The following SCAP variants were observed in gnomAD, a reference collection of about 807,000 sequenced individuals.
SCAP encodes SREBF chaperone, also known as sterol regulatory element-binding protein cleavage-activating protein.
In SCAP, 65 loss-of-function variants were observed where a neutral mutation model predicts 123.6. The observed-to-expected ratio is 0.53, with a 90% confidence interval of 0.43 to 0.65. The LOEUF (loss-of-function observed/expected upper bound fraction) is 0.65, where lower values mean the gene tolerates loss of function less well. Ranked by LOEUF, SCAP falls within the 30% of genes least tolerant of loss-of-function variation. SCAP has a pLI of 0.00. For synonymous variants in SCAP, 740 were observed against 726.3 expected (o/e 1.02, Z -0.30); for missense variants, 1,398 against 1,712.5 (o/e 0.82, Z 3.24).
In SCAP at chr3:47,417,328, C is replaced by T; in HGVS notation, c.2946G>A (p.Val982=). 1 of 1,612,136 alleles carries T rather than the reference C, an allele frequency of 6.2e-7. No individual in the cohort carries two copies. Among genetic ancestry groups the T allele is most frequent in the Non-Finnish European group, 8.5e-7 (1 of 1,179,696 alleles). ...SLELQGNLIV[V]GRSSGRLEVW... is the part of the protein sequence containing the mutation. ...CCTCCAGCCGGCCGCTGCTCCGCCCCACCACGATGAGGTTGCCCTGCAGCT... is the reference window on the plus strand; with the variant it reads ...CCTCCAGCCGGCCGCTGCTCCGCCCTACCACGATGAGGTTGCCCTGCAGCT... The change falls in exon 17 of 23, where the codon GTG becomes GTA. Residue 982 remains valine, a synonymous_variant. Coordinates refer to ENST00000265565, the MANE Select transcript of SCAP (RefSeq NM_012235.4).
In SCAP at chr3:47,427,639, A is replaced by G; in HGVS notation, c.439T>C (p.Cys147Arg). 1 of 1,614,112 alleles carries G rather than the reference A, an allele frequency of 6.2e-7. No individual in the cohort carries two copies. The highest frequency in any genetic ancestry group is 8.5e-7 in the Non-Finnish European group (1 of 1,180,000). The change falls in exon 5 of 23, where the codon TGT becomes CGT. Residue 147 changes from cysteine to arginine, a missense_variant. This residue lies in a region of SCAP where 319 missense variants were observed against 432.4 expected (regional missense o/e 0.74). Transcript: ENST00000265565. Reference protein sequence around the residue: ...SSGIRSLEELCLQVTDLLPGL... With the variant: ...SSGIRSLEELRLQVTDLLPGL... Reference sequence around the variant, plus strand: ...GGCAGCAGGTCGGTCACTTGCAGACACAACTCCTCCAAGCTCCTGATCCCA... The same window carrying G: ...GGCAGCAGGTCGGTCACTTGCAGACGCAACTCCTCCAAGCTCCTGATCCCA...
In SCAP at chr3:47,413,962, G is replaced by A. The variant is rs1435281434; in HGVS notation, c.3732C>T (p.Ala1244=). Residue 1244 remains alanine (A), a synonymous_variant, in exon 23 of 23, where the codon GCC becomes GCT. Coordinates refer to ENST00000265565, the MANE Select transcript of SCAP (RefSeq NM_012235.4). Reference sequence around the variant, plus strand: ...GCACCAGGATCTGGCGGGCAGGCTGGGCCTCACTGTTCTTCCCCAGGTAGA... The same window carrying A: ...GCACCAGGATCTGGCGGGCAGGCTGAGCCTCACTGTTCTTCCCCAGGTAGA... The part of the protein sequence containing the change: ...QTVYLGKNSE[A]QPARQILVLD... 2.5e-6 allele frequency: 4 copies of A among 1,613,264 alleles called. No homozygotes were observed. The highest frequency in any genetic ancestry group is 3.4e-6 in the Non-Finnish European group (4 of 1,180,022).
chr3:47,471,181 G>C (rs985750709), intron 1 of SCAP, among the ~76,000 whole-genome samples: 2 of 151,988 alleles, frequency 1.3e-5, no homozygotes, highest in Admixed American at 1.3e-4. Context: ...ACAAATTTTA[G>C]CAAAAATGAG....
chr3:47,414,647 G>C lies in SCAP; in HGVS notation c.3312C>G (p.Phe1104Leu). ...AGAGGCAGCACGAGTCCTCCAGACGGAACACCTGGGACAGGGATGGGCCTC... is the reference window on the plus strand; with the variant it reads ...AGAGGCAGCACGAGTCCTCCAGACGCAACACCTGGGACAGGGATGGGCCTC... ...TGSQDHTLRV[F>L]RLEDSCCLFT... The change falls in exon 21 of 23, where the codon TTC becomes TTG. Residue 1104 changes from phenylalanine to leucine, a missense_variant. Physicochemically the swap from Phe to Leu is conservative, Grantham distance 22. Transcript: ENST00000265565. The C allele has an allele frequency of 1.9e-6, 3 of 1,613,316 alleles. No individual in the cohort carries two copies. Among genetic ancestry groups the C allele is most frequent in the East Asian group, 2.2e-5 (1 of 44,886 alleles).
At chr3:47,440,561 A>G (rs142124298) in intron 2 of SCAP, among the ~76,000 whole-genome samples, 2 of 152,352 alleles carry the variant, frequency 1.3e-5, no homozygotes, top group African/African-American at 4.8e-5. Context: ...GAAAATAAGT[A>G]CACAGCACTA....
Position 47,427,592 on chromosome 3 carries a change from G to GT in SCAP, c.485dup (p.Asn162LysfsTer5). On this transcript the variant is annotated frameshift_variant, in exon 5 of 23. Transcript: ENST00000265565. LOFTEE classifies it high-confidence loss of function. ...GCAGGCATCCATGCTCAGGGAGTAGGTTCCTGAGCTTCCTAAGGCCTGGCA... is the reference window on the plus strand; with the variant it reads ...GCAGGCATCCATGCTCAGGGAGTAGGTTTCCTGAGCTTCCTAAGGCCTGGCA... 6.2e-7 allele frequency: 1 copy of GT among 1,614,164 alleles called. No homozygotes were observed. Among genetic ancestry groups the GT allele is most frequent in the Non-Finnish European group, 8.5e-7 (1 of 1,180,016 alleles).
At chr3:47,443,843 A>G (rs1480865310) in intron 1 of SCAP, among the ~76,000 whole-genome samples, 2 of 152,186 alleles carry the variant, frequency 1.3e-5, no homozygotes, top group Non-Finnish European at 2.9e-5. Context: ...CTATGAGTCA[A>G]GGTGCCCCGT....
chr3:47,460,635 C>T (rs1707596620), intron 1 of SCAP, among the ~76,000 whole-genome samples: 1 of 152,140 alleles, frequency 6.6e-6, no homozygotes, highest in African/African-American at 2.4e-5. Context: ...TCACTGCAAC[C>T]TCTGCCCCCG....
chr3:47,466,136 C>CAAAAAAAA lies in SCAP; in HGVS notation c.-99+9655_-99+9662dup, dbSNP rs1169935544. Among the ~76,000 whole-genome samples the CAAAAAAAA allele has an allele frequency of 5.2e-5, 5 of 96,018 alleles. 1 individual carries two copies. Among genetic ancestry groups the CAAAAAAAA allele is most frequent in the Non-Finnish European group, 8.8e-5 (4 of 45,486 alleles). 63.0% of individuals were successfully genotyped at this position (96,018 alleles called of 152,430 possible). A position where few individuals can be genotyped will look rare whatever the true frequency, so the allele number is the denominator to read the frequency against. On this transcript the variant is annotated intron_variant, in intron 1 of 22. Coordinates refer to ENST00000265565, the MANE Select transcript of SCAP (RefSeq NM_012235.4). ...AACAGAGTGAGACTGTCTTAAAAAC[C>CAAAAAAAA]AAAAAAAAAAAAAAAAAAAAAGAAA...
chr3:47,456,147 A>G (rs1257768318), intron 1 of SCAP, among the ~76,000 whole-genome samples: 1 of 152,244 alleles, frequency 6.6e-6, no homozygotes, highest in Non-Finnish European at 1.5e-5. Flanking sequence ...TCAGGCCTAC[A>G]ATCCCAGCAC....
At chr3:47,447,483 T>A (rs1451006281) in intron 1 of SCAP, among the ~76,000 whole-genome samples, 6 of 151,738 alleles carry the variant, frequency 4.0e-5, no homozygotes, top group Non-Finnish European at 7.4e-5. Context: ...AGGTCAGAAG[T>A]TCAAGACCAG....
At position 47,415,006 on chromosome 3, in the gene SCAP, G is replaced by A. The variant is rs755478172; in HGVS notation, c.3140-13C>T. The A allele has an allele frequency of 3.2e-6, 5 of 1,581,568 alleles. No homozygotes were observed. In the South Asian group the frequency reaches 4.6e-5, roughly 15 times the overall value. Reference sequence around the variant, plus strand: ...CGCCCTGGGGTCCCTGAGGACAAAAGGCCAAGTGAAGAATCTCTGAGAAAG... The same window carrying A: ...CGCCCTGGGGTCCCTGAGGACAAAAAGCCAAGTGAAGAATCTCTGAGAAAG... On this transcript the variant is annotated splice_polypyrimidine_tract_variant and intron_variant, in intron 19 of 22. Coordinates refer to ENST00000265565, the MANE Select transcript of SCAP (RefSeq NM_012235.4).
At chr3:47,455,062 CATATAT>C (rs58460988) in intron 1 of SCAP, among the ~76,000 whole-genome samples, 21,086 of 127,714 alleles carry the variant, frequency 0.17, 1,736 homozygotes, top group Non-Finnish European at 0.21. Context: ...AAAAAAATTA[CATATAT>C]ATATATATAT....
At chr3:47,469,813 T>A in intron 1 of SCAP, 1 of 582,672 alleles carries the variant, frequency 1.7e-6, no homozygotes, top group South Asian at 1.4e-5. Context: ...CTTGCAAGGC[T>A]ATTACCCTGG....
At position 47,418,483 on chromosome 3, in the gene SCAP, C is replaced by T. The variant is rs1387990376; in HGVS notation, c.2169G>A (p.Val723=). 1.9e-6 allele frequency: 3 copies of T among 1,600,562 alleles called. No homozygotes were observed. The African/African-American group carries it at 4.0e-5, about 21-fold the overall frequency. ...CGCGGTAGAGGCAGAGCAGCAGCAG[C>T]ACCAAGACGATGCCGGTGGCCAGGC... ...ALGLATGIVL[V]LLLLCLYRVL... is the part of the protein sequence containing the mutation. The change falls in exon 15 of 23, where the codon GTG becomes GTA. Residue 723 remains valine, a synonymous_variant. Coordinates refer to ENST00000265565, the MANE Select transcript of SCAP (RefSeq NM_012235.4).
rs1170373870 is a variant in SCAP, at chr3:47,413,882, A to C, written c.3812T>G (p.Val1271Gly). 6.2e-7 allele frequency: 1 copy of C among 1,613,086 alleles called. No individual in the cohort carries two copies. The highest frequency in any genetic ancestry group is 1.7e-5 in the Admixed American group (1 of 60,022). The change falls in exon 23 of 23, where the codon GTG becomes GGG. Residue 1271 changes from valine (V) to glycine (G), a missense_variant. This residue lies in a region of SCAP where 130 missense variants were observed against 166.7 expected (regional missense o/e 0.78). Coordinates refer to ENST00000265565, the MANE Select transcript of SCAP (RefSeq NM_012235.4). ...NFGSELSLVYVPSVLEKLD is the reference protein window; with the variant it reads ...NFGSELSLVYGPSVLEKLD ...GTCCAGCTTCTCCAGCACAGAGGGC[A>C]CATACACCAGGCTGAGCTCACTGCC...
rs867079103 is a variant in SCAP at position 47,418,606 on chromosome 3, G to T, written c.2129+49C>A. The T allele has an allele frequency of 3.0e-6, 4 of 1,355,692 alleles. No individual in the cohort carries two copies. The South Asian group carries it at 5.4e-5, about 18-fold the overall frequency. The allele number at this position is 1,355,692 out of a possible 1,614,324, so 84.0% of individuals were successfully genotyped here. On this transcript the variant is annotated intron_variant, in intron 14 of 22. Coordinates refer to ENST00000265565, the MANE Select transcript of SCAP (RefSeq NM_012235.4). Reference sequence around the variant, plus strand: ...CCCTCTCCCCTACTCTTGCCTACCCGTCCCCCTCCCCGCACTCTTTCCCAC... The same window carrying T: ...CCCTCTCCCCTACTCTTGCCTACCCTTCCCCCTCCCCGCACTCTTTCCCAC...
At chr3:47,417,232 C>T in intron 17 of SCAP, 25 bp from the exon 18 acceptor site, 2 of 1,612,676 alleles carry the variant, frequency 1.2e-6, no homozygotes, top group South Asian at 1.1e-5. Context: ...GCTGTGAGCA[C>T]CTGCCAGCCA....
chr3:47,429,928 G>A (rs1438274469), intron 3 of SCAP, among the ~76,000 whole-genome samples: 1 of 152,204 alleles, frequency 6.6e-6, no homozygotes, highest in East Asian at 1.9e-4. Context: ...ACTTGCAGCA[G>A]AGTAGCGGGT....
Sources: allele counts gnomAD v4.1 joint callset (sites outside exome capture counted in the v4.1 genomes callset), GRCh38; gene constraint gnomAD v4.1.1; regional missense constraint gnomAD v4.1.1; transcripts MANE v1.5; gene names NCBI Gene and HGNC (gene_info 2026-07-23, HGNC 2026-07-21).